Variants in MTMR7 observed in about 807,000 individuals in gnomAD.
MTMR7 encodes myotubularin related protein 7, also known as phosphatidylinositol-3-phosphate phosphatase MTMR7.
In MTMR7, 76 loss-of-function variants were observed where a neutral mutation model predicts 81.2. The observed-to-expected ratio is 0.94, with a 90% CI of 0.78 to 1.13. MTMR7 has a LOEUF of 1.13. MTMR7 is among the 50% of genes most tolerant of loss of function. The pLI is 0.00. For missense variants in MTMR7, 1,044 were observed against 820.0 expected, an observed-to-expected ratio of 1.27 and a Z score of -3.34; for synonymous variants, 372 against 289.8, an observed-to-expected ratio of 1.28 and a Z score of -2.88.
intron 4 of MTMR7, among the ~76,000 whole-genome samples, chr8:17,358,862 C>T (rs1819975804): frequency 1.3e-5 from 2 of 151,358 alleles, no homozygotes; most frequent in African/African-American, 4.9e-5. Flanking sequence ...AAGAATTATT[C>T]ATATGGCAAA....
At chr8:17,351,664 G>A (rs963325083) in intron 4 of MTMR7, among the ~76,000 whole-genome samples, 1 of 152,220 alleles carries the variant, frequency 6.6e-6, no homozygotes, top group Non-Finnish European at 1.5e-5. Flanking sequence ...CCAGTTATGA[G>A]GATTTCTGCC....
intron 7 of MTMR7, among the ~76,000 whole-genome samples, chr8:17,322,974 G>C (rs1021325541): frequency 4.3e-5 from 4 of 92,292 alleles, no homozygotes; most frequent in Admixed American, 4.0e-4. Context: ...TTTTGAGACA[G>C]TCTTGCTCTG....
chr8:17,397,650 C>T (rs1821302740), intron 1 of MTMR7, among the ~76,000 whole-genome samples: 1 of 152,190 alleles, frequency 6.6e-6, no homozygotes, highest in African/African-American at 2.4e-5. Flanking sequence ...GGGAACTCGC[C>T]ACCCTGAAGG....
intron 8 of MTMR7, among the ~76,000 whole-genome samples, chr8:17,312,391 A>C (rs757625695): frequency 6.6e-5 from 10 of 152,110 alleles, no homozygotes; most frequent in Non-Finnish European, 1.3e-4. Context: ...CCTGACCAAC[A>C]TGGTGAAACC....
Position 17,300,032 on chromosome 8 carries a change from G to C in MTMR7, c.1813C>G (p.Leu605Val). 1 of 1,614,128 alleles carries C rather than the reference G, an allele frequency of 6.2e-7. No individual in the cohort carries two copies. The highest frequency in any genetic ancestry group is 8.5e-7 in the Non-Finnish European group (1 of 1,180,018). Residue 605 changes from leucine to valine, a missense_variant, in exon 14 of 14, where the codon CTA becomes GTA. By Grantham distance (32) the Leu-to-Val change is conservative (BLOSUM62 1). Coordinates refer to ENST00000180173, the MANE Select transcript of MTMR7 (RefSeq NM_004686.5). Reference sequence around the variant, plus strand: ...GAACTTTTCAGATTGTCTTGGGTTAGAATCAGAGCAGAATCTTCATCGCCT... The same window carrying C: ...GAACTTTTCAGATTGTCTTGGGTTACAATCAGAGCAGAATCTTCATCGCCT... ...SQGDEDSALI[L>V]TQDNLKSSDP...
chr8:17,373,889 T>C (rs1820494735), intron 1 of MTMR7, among the ~76,000 whole-genome samples: 1 of 152,218 alleles, frequency 6.6e-6, no homozygotes, highest in Non-Finnish European at 1.5e-5. Context: ...CATACCTCTC[T>C]CATATGCAGA....
chr8:17,297,864 A>T lies in MTMR7; in HGVS notation c.*1998T>A, dbSNP rs549530823. 2 of 152,220 alleles carry T rather than the reference A, an allele frequency of 1.3e-5. No homozygotes were observed. The highest frequency in any genetic ancestry group is 3.9e-4 in the East Asian group (2 of 5,190). 9.4% of individuals were successfully genotyped at this position (152,220 alleles called of 1,614,324 possible). A position where few individuals can be genotyped will look rare whatever the true frequency, so the allele number is the denominator to read the frequency against. ...AGGTTAACTTCTAATAAGCAGACGA[A>T]CATGTTACATAAATTATAATGTCTG... On this transcript the variant is annotated 3_prime_UTR_variant, in exon 14 of 14. Transcript: ENST00000180173.
chr8:17,344,410 G>A (rs919475915), intron 5 of MTMR7, among the ~76,000 whole-genome samples: 8 of 152,156 alleles, frequency 5.3e-5, no homozygotes, highest in Admixed American at 2.0e-4. Context: ...TCAGCAGTTC[G>A]AGACCAGCCT....
At chr8:17,342,022 G>A (rs1420475144) in intron 5 of MTMR7, among the ~76,000 whole-genome samples, 1 of 151,842 alleles carries the variant, frequency 6.6e-6, no homozygotes, top group Non-Finnish European at 1.5e-5. Context: ...CCAGGTTGCT[G>A]CTAGGTTTGA....
chr8:17,317,044 A>G (rs1005702189), intron 7 of MTMR7, among the ~76,000 whole-genome samples: 2 of 152,166 alleles, frequency 1.3e-5, no homozygotes, highest in African/African-American at 4.8e-5. Flanking sequence ...CAATCTTATA[A>G]TATTTCTCTA....
intron 4 of MTMR7, among the ~76,000 whole-genome samples, chr8:17,350,872 G>A (rs899899468): frequency 3.9e-5 from 6 of 152,200 alleles, no homozygotes; most frequent in Admixed American, 1.3e-4. Context: ...TTTTAGGAAA[G>A]AAGATTACCA....
chr8:17,333,061 TG>T (rs1036133395), intron 6 of MTMR7, among the ~76,000 whole-genome samples: 6 of 152,094 alleles, frequency 3.9e-5, no homozygotes, highest in African/African-American at 1.4e-4. Context: ...GATAAGCCAT[TG>T]CCATAGGAGC....
chr8:17,398,571 C>T (rs1485813110), intron 1 of MTMR7, among the ~76,000 whole-genome samples: 5 of 151,942 alleles, frequency 3.3e-5, no homozygotes, highest in Non-Finnish European at 7.4e-5. Flanking sequence ...AAGCCTCAAA[C>T]GGGCAAATCT....
At chr8:17,350,820 T>C (rs925934834) in intron 4 of MTMR7, among the ~76,000 whole-genome samples, 8 of 152,344 alleles carry the variant, frequency 5.3e-5, no homozygotes, top group Admixed American at 2.6e-4. Context: ...ACAGAAGAGA[T>C]GTTCACAGGC....
At chr8:17,331,903 G>C (rs971983196) in intron 6 of MTMR7, among the ~76,000 whole-genome samples, 12 of 152,238 alleles carry the variant, frequency 7.9e-5, no homozygotes, top group Middle Eastern at 3.4e-3. Context: ...TGGGCTTTTT[G>C]ATCACTTTCA....
chr8:17,401,895 C>T (rs1193714160), intron 1 of MTMR7, among the ~76,000 whole-genome samples: 1 of 152,062 alleles, frequency 6.6e-6, no homozygotes, highest in Non-Finnish European at 1.5e-5. Flanking sequence ...TACTATGAAT[C>T]TTATGCATAT....
At chr8:17,330,922 C>T (rs767127385) in intron 7 of MTMR7, among the ~76,000 whole-genome samples, 18 of 152,258 alleles carry the variant, frequency 1.2e-4, no homozygotes, top group Non-Finnish European at 1.8e-4. Flanking sequence ...ATGTTCAGTA[C>T]CATTGTAGAG....
chr8:17,373,465 T>C (rs573966645), intron 1 of MTMR7, among the ~76,000 whole-genome samples: 1 of 152,172 alleles, frequency 6.6e-6, no homozygotes, highest in African/African-American at 2.4e-5. Flanking sequence ...AGTTTAAAGG[T>C]ACCACAAAAG....
chr8:17,368,248 C>T (rs372733280), intron 3 of MTMR7, among the ~76,000 whole-genome samples: 1 of 152,170 alleles, frequency 6.6e-6, no homozygotes, highest in Non-Finnish European at 1.5e-5. Flanking sequence ...CGCTTGCACG[C>T]CCGCCACTCA....
Sources: gnomAD v4.1 joint callset for allele counts (sites outside exome capture counted in the v4.1 genomes callset) on GRCh38, gnomAD v4.1.1 for gene constraint, MANE v1.5 for transcripts, NCBI Gene and HGNC (gene_info 2026-07-23, HGNC 2026-07-21) for gene names.